SPECC1: variants seen among roughly 807,000 people sequenced by gnomAD.
The protein encoded by SPECC1 is cytospin-B.
Under a neutral mutation model 104.1 loss-of-function variants are expected in SPECC1, and 62 were observed. The observed-to-expected ratio is 0.60, with a 90% CI of 0.49 to 0.74. SPECC1 has a LOEUF of 0.74. Among genes scored for constraint, SPECC1 ranks in the 30% least tolerant of loss-of-function variants. The pLI, the probability that SPECC1 is intolerant of heterozygous loss-of-function variation, is 0.00. For missense variants in SPECC1, 1,306 were observed against 1,310.5 expected, an observed-to-expected ratio of 1.00 and a Z score of 0.05; for synonymous variants, 513 against 501.6, an observed-to-expected ratio of 1.02 and a Z score of -0.30.
intron 12 of SPECC1, among the ~76,000 whole-genome samples, chr17:20,296,011 ACT>A (rs1414409824): frequency 6.7e-6 from 1 of 149,578 alleles, no homozygotes; most frequent in African/African-American, 2.5e-5. Context: ...CTGTGCAGAA[ACT>A]CTTTAGTTTA....
At chr17:20,052,140 A>G (rs1287230967) in intron 1 of SPECC1, among the ~76,000 whole-genome samples, 1 of 152,216 alleles carries the variant, frequency 6.6e-6, no homozygotes, top group East Asian at 1.9e-4. Context: ...GTTTTTAAGA[A>G]GTTTCTCCAT....
At chr17:20,030,480 T>C (rs1230127199) in intron 1 of SPECC1, among the ~76,000 whole-genome samples, 1 of 152,150 alleles carries the variant, frequency 6.6e-6, no homozygotes, top group African/African-American at 2.4e-5. Context: ...GTAATTTCTT[T>C]AGCCTAGTAA....
At chr17:20,125,574 G>C (rs1481700028) in intron 3 of SPECC1, among the ~76,000 whole-genome samples, 1 of 152,180 alleles carries the variant, frequency 6.6e-6, no homozygotes, top group Non-Finnish European at 1.5e-5. Flanking sequence ...TCAACTTTCT[G>C]TTTCTGTGAG....
intron 1 of SPECC1, among the ~76,000 whole-genome samples, chr17:20,011,347 AAATTT>A (rs1440499924): frequency 6.6e-6 from 1 of 152,178 alleles, no homozygotes; most frequent in Non-Finnish European, 1.5e-5. Context: ...TCTTCAAAGT[AAATTT>A]AATATTTTCT....
chr17:20,021,695 TATATA>T (rs1567797520), intron 1 of SPECC1, among the ~76,000 whole-genome samples: 20 of 112,290 alleles, frequency 1.8e-4, no homozygotes, highest in African/African-American at 7.1e-4. Context: ...TATATATATA[TATATA>T]TATTTTTTTG....
intron 1 of SPECC1, among the ~76,000 whole-genome samples, chr17:20,058,835 C>CTTTTTTTTTTTTTTTTTTTT (rs58811372): frequency 9.7e-6 from 1 of 103,574 alleles, no homozygotes; most frequent in Non-Finnish European, 2.0e-5. Flanking sequence ...CACTTTATTT[C>CTTTTTTTTTTTTTTTTTTTT]TTTTTTTTTT....
chr17:20,168,922 G>C (rs150090771), intron 3 of SPECC1, among the ~76,000 whole-genome samples: 1 of 152,154 alleles, frequency 6.6e-6, no homozygotes. Context: ...ATCCAGGCTG[G>C]AGTACAGTGG....
intron 3 of SPECC1, among the ~76,000 whole-genome samples, chr17:20,180,311 A>G (rs894109245): frequency 6.6e-6 from 1 of 152,250 alleles, no homozygotes; most frequent in African/African-American, 2.4e-5. Context: ...CTCATCAGCT[A>G]AACTCACCTA....
intron 3 of SPECC1, among the ~76,000 whole-genome samples, chr17:20,143,356 A>G (rs2031070177): frequency 6.6e-6 from 1 of 150,686 alleles, no homozygotes; most frequent in African/African-American, 2.5e-5. Flanking sequence ...ACTGCACGCC[A>G]GCCTGGGTAA....
intron 3 of SPECC1, among the ~76,000 whole-genome samples, chr17:20,116,504 C>A (rs1452760533): frequency 1.3e-5 from 2 of 151,856 alleles, no homozygotes; most frequent in Non-Finnish European, 2.9e-5. Context: ...TAAAAAAAAT[C>A]TTAAAACTCT....
intron 1 of SPECC1, among the ~76,000 whole-genome samples, chr17:20,059,780 T>C (rs1029182993): frequency 6.6e-6 from 1 of 152,200 alleles, no homozygotes; most frequent in African/African-American, 2.4e-5. Flanking sequence ...GAGGATCCCT[T>C]GAGCCCAGGA....
intron 1 of SPECC1, chr17:20,096,179 G>A (rs2047634978): frequency 1.3e-5 from 2 of 152,530 alleles, no homozygotes; most frequent in South Asian, 4.1e-4. Context: ...AAGTCATTTT[G>A]TGCTTCTGTG....
chr17:20,205,609 T>A lies in SPECC1; in HGVS notation c.1560T>A (p.Asn520Lys). 6.2e-7 allele frequency: 1 copy of A among 1,614,108 alleles called. No individual in the cohort carries two copies. The highest frequency in any genetic ancestry group is 8.5e-7 in the Non-Finnish European group (1 of 1,180,020). ...TGAAGGAAGAAAATGAAAAACTGAA[T>A]GAGTTTCTAGAACTGGAACGGCATA... Reference protein sequence around the residue: ...KRLKEENEKLNEFLELERHNN... With the variant: ...KRLKEENEKLKEFLELERHNN... The change falls in exon 4 of 15, where the codon AAT (asparagine) becomes AAA (lysine). Residue 520 changes from asparagine (N) to lysine (K), a missense_variant. By Grantham distance (94) the Asn-to-Lys change is moderately conservative (BLOSUM62 0). This residue lies in a region of SPECC1 where 1,177 missense variants were observed against 1,139.9 expected (regional missense o/e 1.03). Transcript: ENST00000395527.
At chr17:20,086,191 A>G (rs540815992) in intron 1 of SPECC1, among the ~76,000 whole-genome samples, 2 of 152,318 alleles carry the variant, frequency 1.3e-5, no homozygotes, top group East Asian at 1.9e-4. Flanking sequence ...GTGAGGTGCC[A>G]TAGTGCCAAG....
At chr17:20,028,505 G>A (rs1305095158) in intron 1 of SPECC1, among the ~76,000 whole-genome samples, 2 of 151,874 alleles carry the variant, frequency 1.3e-5, no homozygotes, top group Non-Finnish European at 2.9e-5. Flanking sequence ...AAATAGAAAA[G>A]CACTTACCAT....
chr17:20,085,269 A>G (rs1018856070), intron 1 of SPECC1, among the ~76,000 whole-genome samples: 1 of 152,216 alleles, frequency 6.6e-6, no homozygotes, highest in African/African-American at 2.4e-5. Context: ...GGCATGGCTC[A>G]GGCTGTGCTC....
chr17:20,102,590 G>A (rs896476001), intron 2 of SPECC1, among the ~76,000 whole-genome samples: 34 of 152,188 alleles, frequency 2.2e-4, no homozygotes, highest in African/African-American at 8.2e-4. Context: ...TAGCTGATGT[G>A]TGTTATCTCT....
chr17:20,194,502 ATTTTTTT>A lies in SPECC1; in HGVS notation c.284-9814_284-9808del, dbSNP rs1209589252. ...TGTGTTCTGTTAGAAAAGAGAACGA[ATTTTTTT>A]TTTTTTTTTTTTTTTTGAGACAGAG... On this transcript the variant is annotated intron_variant, in intron 3 of 14. Transcript: ENST00000395527. 2.4e-4 allele frequency among the ~76,000 whole-genome samples: 21 copies of A among 86,536 alleles called. 1 individual carries two copies. Among genetic ancestry groups the A allele is most frequent in the African/African-American group, 9.6e-4 (18 of 18,738 alleles). The allele number at this position is 86,536 out of a possible 152,430, so 56.8% of individuals were successfully genotyped here. A position where few individuals can be genotyped will look rare whatever the true frequency, so the allele number is the denominator to read the frequency against.
At chr17:20,067,085 A>G (rs891733011) in intron 1 of SPECC1, 1 of 151,918 alleles carries the variant, frequency 6.6e-6, no homozygotes, top group Non-Finnish European at 1.5e-5. Flanking sequence ...AAACTGTTAC[A>G]TGTTCATAGT....
Sources: gnomAD v4.1 joint callset for allele counts (sites outside exome capture counted in the v4.1 genomes callset) on GRCh38, gnomAD v4.1.1 for gene constraint, gnomAD v4.1.1 regional missense constraint, MANE v1.5 for transcripts, NCBI Gene and HGNC (gene_info 2026-07-23, HGNC 2026-07-21) for gene names.